The following ELOVL7 variants were observed in gnomAD, a reference collection of about 807,000 sequenced individuals.
ELOVL7 encodes ELOVL fatty acid elongase 7.
Under a neutral mutation model 35.7 loss-of-function variants are expected in ELOVL7, and 27 were observed. That is an observed-to-expected ratio of 0.76 (90% CI 0.56 to 1.04). ELOVL7 has a LOEUF of 1.04. ELOVL7 is among the 50% of genes least tolerant of loss of function. ELOVL7 has a pLI of 0.00. For missense variants in ELOVL7, 327 were observed against 340.8 expected (o/e 0.96, Z 0.32); for synonymous variants, 113 against 114.6 (o/e 0.99, Z 0.09).
chr5:60,834,912 T>C (rs180753448), intron 1 of ELOVL7, among the ~76,000 whole-genome samples: 2 of 151,946 alleles, frequency 1.3e-5, no homozygotes, highest in Admixed American at 1.3e-4. Context: ...TCCCAAGGGC[T>C]GGGCACAGTG....
At chr5:60,764,440 C>T in intron 6 of ELOVL7, 108 bp from the exon 7 acceptor site, 1 of 861,988 alleles carries the variant, frequency 1.2e-6, no homozygotes, top group Non-Finnish European at 1.8e-6. Flanking sequence ...ATAATTTCCT[C>T]TAAAAGTGTT....
At chr5:60,821,514 G>A (rs776060675) in intron 1 of ELOVL7, among the ~76,000 whole-genome samples, 29 of 151,926 alleles carry the variant, frequency 1.9e-4, no homozygotes, top group African/African-American at 2.9e-4. Context: ...ATCCTTGTTC[G>A]GCTGGCTGGG....
At chr5:60,768,951 G>A (rs1742412594) in intron 4 of ELOVL7, among the ~76,000 whole-genome samples, 1 of 152,148 alleles carries the variant, frequency 6.6e-6, no homozygotes, top group Non-Finnish European at 1.5e-5. Context: ...ATGAGGCATT[G>A]TCAGAATAAT....
chr5:60,836,922 G>A (rs755981646), intron 1 of ELOVL7, among the ~76,000 whole-genome samples: 3 of 151,832 alleles, frequency 2.0e-5, no homozygotes, highest in Admixed American at 6.6e-5. Context: ...CAGAGTCCTA[G>A]GGCCTCCTAT....
chr5:60,824,960 CT>C (rs879496279), intron 1 of ELOVL7, among the ~76,000 whole-genome samples: 140 of 137,742 alleles, frequency 1.0e-3, no homozygotes, highest in Middle Eastern at 3.8e-3. Flanking sequence ...CTTCTCACTT[CT>C]TTTTTTTTTT....
At chr5:60,795,943 T>G (rs1041494263) in intron 2 of ELOVL7, among the ~76,000 whole-genome samples, 12 of 152,186 alleles carry the variant, frequency 7.9e-5, no homozygotes, top group Non-Finnish European at 1.8e-4. Context: ...TGCCGCCATC[T>G]TGGGAGCAGC....
At chr5:60,793,994 CA>C (rs1421139646) in intron 2 of ELOVL7, among the ~76,000 whole-genome samples, 1 of 152,082 alleles carries the variant, frequency 6.6e-6, no homozygotes, top group Non-Finnish European at 1.5e-5. Flanking sequence ...GTGGAAGAAA[CA>C]AGAGAGATAC....
chr5:60,754,558 G>T lies in ELOVL7; in HGVS notation c.*66C>A. Reference sequence around the variant, plus strand: ...AAAAATATACAAAATGCACTGCATAGGTAAATATCTCTTGATTGTCAAGGA... The same window carrying T: ...AAAAATATACAAAATGCACTGCATATGTAAATATCTCTTGATTGTCAAGGA... On this transcript the variant is annotated 3_prime_UTR_variant, in exon 9 of 9. Coordinates refer to ENST00000508821, the MANE Select transcript of ELOVL7 (RefSeq NM_024930.3). The T allele has an allele frequency of 7.0e-7, 1 of 1,421,954 alleles. No individual in the cohort carries two copies. Among genetic ancestry groups the T allele is most frequent in the Non-Finnish European group, 9.9e-7 (1 of 1,010,988 alleles). The allele number at this position is 1,421,954 out of a possible 1,614,324, so 88.1% of individuals were successfully genotyped here.
rs547257719 is a variant in ELOVL7, at chr5:60,806,771, C to T, written c.-85-7541G>A. On this transcript the variant is annotated intron_variant, in intron 1 of 8. Transcript: ENST00000508821. Reference sequence around the variant, plus strand: ...ATCTTTATGTTCACAGGGAGGCAGCCCCTCAGGGAACACCCATGCTGGGGA... The same window carrying T: ...ATCTTTATGTTCACAGGGAGGCAGCTCCTCAGGGAACACCCATGCTGGGGA... Among the ~76,000 whole-genome samples, 213 of 152,094 alleles carry T rather than the reference C, an allele frequency of 1.4e-3. 1 individual carries two copies. The highest frequency in any genetic ancestry group is 3.5e-3 in the Admixed American group (53 of 15,270).
At chr5:60,813,832 A>G (rs566819162) in intron 1 of ELOVL7, among the ~76,000 whole-genome samples, 1 of 152,286 alleles carries the variant, frequency 6.6e-6, no homozygotes, top group Admixed American at 6.5e-5. Context: ...TTTCTCTTAG[A>G]TAGTTAGCTG....
intron 7 of ELOVL7, among the ~76,000 whole-genome samples, chr5:60,760,283 C>T (rs998161660): frequency 5.3e-5 from 8 of 152,220 alleles, no homozygotes; most frequent in African/African-American, 1.7e-4. Flanking sequence ...TATTTCTTCG[C>T]ATCCTCTCCA....
chr5:60,799,758 C>T lies in ELOVL7; in HGVS notation c.-85-528G>A, dbSNP rs146299650. On this transcript the variant is annotated intron_variant, in intron 1 of 8. Coordinates refer to ENST00000508821, the MANE Select transcript of ELOVL7 (RefSeq NM_024930.3). Reference sequence around the variant, plus strand: ...AAACATTTAAAAAATAACTAATAGACCGGGTGTGGTGGCTCATGCCTGTAA... The same window carrying T: ...AAACATTTAAAAAATAACTAATAGATCGGGTGTGGTGGCTCATGCCTGTAA... 7.6e-3 allele frequency among the ~76,000 whole-genome samples: 1,164 copies of T among 152,284 alleles called. 14 individuals carry two copies. Among genetic ancestry groups the T allele is most frequent in the African/African-American group, 0.026 (1,097 of 41,562 alleles).
chr5:60,756,717 T>C (rs752068362), intron 8 of ELOVL7, among the ~76,000 whole-genome samples: 1 of 152,116 alleles, frequency 6.6e-6, no homozygotes, highest in Non-Finnish European at 1.5e-5. Flanking sequence ...TAATAAAAAA[T>C]TAATCTTCAC....
chr5:60,761,961 A>G (rs78738898), intron 7 of ELOVL7, among the ~76,000 whole-genome samples: 2 of 152,110 alleles, frequency 1.3e-5, no homozygotes, highest in Non-Finnish European at 2.9e-5. Flanking sequence ...GGGCTCGGTT[A>G]GTTTCTGCTA....
chr5:60,819,884 C>T (rs988659261), intron 1 of ELOVL7, among the ~76,000 whole-genome samples: 2 of 152,170 alleles, frequency 1.3e-5, no homozygotes, highest in South Asian at 2.1e-4. Context: ...CTCTCCCCTC[C>T]GCGCCTAATA....
intron 1 of ELOVL7, among the ~76,000 whole-genome samples, 162 bp downstream of exon 1, chr5:60,843,998 C>T (rs963894943): frequency 6.6e-6 from 1 of 152,088 alleles, no homozygotes; most frequent in Non-Finnish European, 1.5e-5. Flanking sequence ...GCTCCCGGGG[C>T]CCCCGCACCC....
At position 60,814,922 on chromosome 5, in the gene ELOVL7, C is replaced by T. The variant is rs200928054; in HGVS notation, c.-85-15692G>A. Among the ~76,000 whole-genome samples the T allele has an allele frequency of 2.4e-4, 37 of 152,328 alleles. No individual in the cohort carries two copies. The East Asian group carries it at 5.2e-3, about 21-fold the overall frequency. On this transcript the variant is annotated intron_variant, in intron 1 of 8. Transcript: ENST00000508821. ...TGGAGACTCACCTCCACCCCATCCC[C>T]ATTTACTGCTCCTAAAATCCCTATC...
chr5:60,796,812 G>C (rs1039449676), intron 2 of ELOVL7, among the ~76,000 whole-genome samples: 9 of 152,200 alleles, frequency 5.9e-5, no homozygotes, highest in African/African-American at 2.2e-4. Flanking sequence ...TTGGTTTAGA[G>C]GCAAATGGAT....
chr5:60,836,888 C>T (rs1259511514), intron 1 of ELOVL7, among the ~76,000 whole-genome samples: 1 of 151,822 alleles, frequency 6.6e-6, no homozygotes, highest in African/African-American at 2.4e-5. Context: ...GCCCTTACGC[C>T]CTCACAAAAC....
Sources: gnomAD v4.1 joint callset for allele counts (sites outside exome capture counted in the v4.1 genomes callset) on GRCh38, gnomAD v4.1.1 for gene constraint, MANE v1.5 for transcripts, NCBI Gene and HGNC (gene_info 2026-07-23, HGNC 2026-07-21) for gene names.